The following COL14A1 variants were observed in gnomAD, a reference collection of about 807,000 sequenced individuals.
COL14A1 encodes the protein collagen alpha-1(XIV) chain.
Under a neutral mutation model 230.3 loss-of-function variants are expected in COL14A1, and 136 were observed. The observed-to-expected ratio is 0.59, with a 90% CI of 0.51 to 0.68. The LOEUF is 0.68. COL14A1 is among the 30% of genes least tolerant of loss of function. The pLI, the probability that COL14A1 is intolerant of heterozygous loss-of-function variation, is 0.00. For synonymous variants in COL14A1, 792 were observed against 784.1 expected (o/e 1.01, Z -0.17); for missense variants, 1,976 against 2,215.8 (o/e 0.89, Z 2.17).
In COL14A1 at chr8:120,280,735, G is replaced by A; in HGVS notation, c.3671G>A (p.Gly1224Asp). ...SATCPVVHKD[G>D]IDLAGFKMME... Reference sequence around the variant, plus strand: ...GCCTGTCCAGTGGTACACAAGGATGGCATTGATCTTGCAGGTATGCATTAT... The same window carrying A: ...GCCTGTCCAGTGGTACACAAGGATGACATTGATCTTGCAGGTATGCATTAT... The change falls in exon 30 of 48, where the codon GGC becomes GAC. Residue 1224 changes from glycine (G) to aspartate (D), a missense_variant. Coordinates refer to ENST00000297848, the MANE Select transcript of COL14A1 (RefSeq NM_021110.4). The A allele has an allele frequency of 1.2e-6, 2 of 1,613,350 alleles. No individual in the cohort carries two copies. Among genetic ancestry groups the A allele is most frequent in the African/African-American group, 1.3e-5 (1 of 74,996 alleles).
intron 1 of COL14A1, among the ~76,000 whole-genome samples, chr8:120,145,757 C>T (rs1434705049): frequency 6.6e-6 from 1 of 152,026 alleles, no homozygotes; most frequent in Non-Finnish European, 1.5e-5. Context: ...TATGTATAAA[C>T]GAAATTTGGA....
intron 4 of COL14A1, 47 bp downstream of exon 4, chr8:120,162,616 G>T: frequency 6.7e-7 from 1 of 1,491,314 alleles, no homozygotes; most frequent in Non-Finnish European, 9.0e-7. Flanking sequence ...CTCTGTCCCA[G>T]CCTTGGATTT....
At chr8:120,184,841 T>C (rs569306289) in intron 5 of COL14A1, among the ~76,000 whole-genome samples, 343 of 152,290 alleles carry the variant, frequency 2.3e-3, no homozygotes, top group African/African-American at 7.8e-3. Flanking sequence ...TTCTCTTCAG[T>C]CTGCAATCCC....
chr8:120,281,051 G>C lies in COL14A1; in HGVS notation c.3816G>C (p.Gln1272His), dbSNP rs754722050. 1.2e-6 allele frequency: 2 copies of C among 1,607,588 alleles called. No individual in the cohort carries two copies. The highest frequency in any genetic ancestry group is 4.5e-5 in the East Asian group (2 of 44,802). ...YQLHKDALVS[Q>H]PTRYLHPEGL... The stretch of plus-strand genomic sequence containing the variant: ...TCCATAAAGATGCCCTGGTTTCCCA[G>C]CCAACCAGGTATGTTTCTGTTGAAA... The change falls in exon 31 of 48, where the codon CAG becomes CAC. Residue 1272 changes from glutamine to histidine, a missense_variant. Gln to His is a conservative substitution (Grantham distance 24). Transcript: ENST00000297848.
intron 12 of COL14A1, among the ~76,000 whole-genome samples, chr8:120,211,742 A>C (rs1387754335): frequency 1.3e-5 from 2 of 152,202 alleles, no homozygotes; most frequent in Non-Finnish European, 2.9e-5. Flanking sequence ...TAATCCTGGC[A>C]GTCATGTGCC....
At chr8:120,369,595 G>A (rs1031440742) in intron 47 of COL14A1, 110 bp downstream of exon 47, 4 of 1,093,412 alleles carry the variant, frequency 3.7e-6, no homozygotes, top group African/African-American at 3.2e-5. Context: ...TTATGAATGG[G>A]AAGCAGAGCT....
chr8:120,254,107 A>G (rs1408842646), intron 22 of COL14A1, among the ~76,000 whole-genome samples: 1 of 152,224 alleles, frequency 6.6e-6, no homozygotes. Flanking sequence ...TCTTGAAAAG[A>G]TAATTCCGAG....
intron 44 of COL14A1, 122 bp downstream of exon 44, chr8:120,342,568 T>C (rs909686751): frequency 1.1e-6 from 1 of 883,766 alleles, no homozygotes; most frequent in African/African-American, 1.6e-5. Flanking sequence ...TGCAGACACA[T>C]AAGCTTTACA....
chr8:120,192,339 A>C (rs62527015), intron 5 of COL14A1, among the ~76,000 whole-genome samples: 51,781 of 151,858 alleles, frequency 0.34, 9,604 homozygotes, highest in Admixed American at 0.48. Context: ...TTCTGGGTTG[A>C]AAATTCTTTT....
chr8:120,202,042 G>A (rs1176211921), intron 8 of COL14A1, among the ~76,000 whole-genome samples: 1 of 152,266 alleles, frequency 6.6e-6, no homozygotes, highest in East Asian at 1.9e-4. Context: ...TAATTCAGAT[G>A]TACATTTGAG....
At chr8:120,247,758 T>C (rs1340483964) in intron 21 of COL14A1, 23 bp downstream of exon 21, 11 of 1,611,042 alleles carry the variant, frequency 6.8e-6, no homozygotes, top group Non-Finnish European at 9.3e-6. Flanking sequence ...TTGTAAATAA[T>C]GTTGATACCA....
intron 42 of COL14A1, among the ~76,000 whole-genome samples, chr8:120,335,771 T>C (rs2130236278): frequency 6.6e-6 from 1 of 152,274 alleles, no homozygotes; most frequent in East Asian, 1.9e-4. Context: ...CTAATTCCGA[T>C]CTAAGTTTTA....
At chr8:120,323,903 A>T (rs1412997192) in intron 40 of COL14A1, among the ~76,000 whole-genome samples, 1 of 152,176 alleles carries the variant, frequency 6.6e-6, no homozygotes, top group East Asian at 1.9e-4. Context: ...TGTAAGAATG[A>T]GATAATGTCC....
intron 5 of COL14A1, among the ~76,000 whole-genome samples, chr8:120,170,547 T>C (rs1816064849): frequency 6.6e-6 from 1 of 152,108 alleles, no homozygotes; most frequent in African/African-American, 2.4e-5. Flanking sequence ...TGAGGTATTT[T>C]ATTACTTAAA....
chr8:120,163,422 A>G (rs1195070954), intron 4 of COL14A1, among the ~76,000 whole-genome samples: 1 of 152,204 alleles, frequency 6.6e-6, no homozygotes, highest in African/African-American at 2.4e-5. Context: ...GGTCCAATCA[A>G]TGTCCACACA....
intron 36 of COL14A1, among the ~76,000 whole-genome samples, chr8:120,303,292 G>C (rs952804450): frequency 6.6e-6 from 1 of 152,150 alleles, no homozygotes; most frequent in African/African-American, 2.4e-5. Context: ...GGAGTGGTGA[G>C]AGAGAACATC....
At chr8:120,312,240 C>T (rs536784857) in intron 37 of COL14A1, among the ~76,000 whole-genome samples, 2 of 152,248 alleles carry the variant, frequency 1.3e-5, no homozygotes, top group South Asian at 4.1e-4. Flanking sequence ...CTCCCTCTCC[C>T]TTCCTCTTAT....
intron 46 of COL14A1, 74 bp from the exon 47 acceptor site, chr8:120,369,256 T>G: frequency 7.1e-7 from 1 of 1,417,182 alleles, no homozygotes; most frequent in Non-Finnish European, 9.3e-7. Flanking sequence ...AGAGTTAGTT[T>G]ACTTCTTGGT....
chr8:120,370,838 T>A, intron 47 of COL14A1: 1 of 1,350,976 alleles, frequency 7.4e-7, no homozygotes, highest in Non-Finnish European at 9.7e-7. Context: ...AACATGAGAT[T>A]TTTTAAAAAA....
Sources: allele counts gnomAD v4.1 joint callset (sites outside exome capture counted in the v4.1 genomes callset), GRCh38; gene constraint gnomAD v4.1.1; transcripts MANE v1.5; gene names NCBI Gene and HGNC (gene_info 2026-07-23, HGNC 2026-07-21).